Variants in TMEM266 observed in about 807,000 individuals in gnomAD.
TMEM266 encodes the protein transmembrane protein 266.
In TMEM266, 33 loss-of-function variants were observed where a neutral mutation model predicts 50.5. The observed-to-expected ratio is 0.65, with a 90% CI of 0.50 to 0.87. TMEM266 has a LOEUF of 0.87. Among genes scored for constraint, TMEM266 ranks in the 40% least tolerant of loss-of-function variants. The probability of loss-of-function intolerance (pLI) is 0.00; values close to 1 mark genes in which losing one functional copy is unlikely to be tolerated. For missense variants in TMEM266, 655 were observed against 695.1 expected, an observed-to-expected ratio of 0.94 and a Z score of 0.65; for synonymous variants, 310 against 292.3, an observed-to-expected ratio of 1.06 and a Z score of -0.62.
intron 1 of TMEM266, among the ~76,000 whole-genome samples, chr15:76,061,799 A>G (rs1028521885): frequency 1.3e-5 from 2 of 152,176 alleles, no homozygotes; most frequent in African/African-American, 4.8e-5. Flanking sequence ...CCCATTTTCC[A>G]TTATCGCATC....
intron 1 of TMEM266, among the ~76,000 whole-genome samples, chr15:76,109,711 C>CT (rs778661170): frequency 0.024 from 3,250 of 138,160 alleles, 67 homozygotes; most frequent in African/African-American, 0.054. Context: ...TCTTTCTTTT[C>CT]TTTTTTTTTT....
chr15:76,162,874 A>G (rs2038039288), intron 5 of TMEM266, among the ~76,000 whole-genome samples: 1 of 152,098 alleles, frequency 6.6e-6, no homozygotes, highest in Admixed American at 6.5e-5. Context: ...CCTGGTTAAT[A>G]CCCAGGGATG....
chr15:76,159,987 G>C, intron 4 of TMEM266, 108 bp from the exon 5 acceptor site: 1 of 1,034,544 alleles, frequency 9.7e-7, no homozygotes, highest in Non-Finnish European at 1.5e-6. Flanking sequence ...AAACGTTCAT[G>C]CAGGCGGGCC....
chr15:76,133,714 G>A (rs1194423081), intron 1 of TMEM266, among the ~76,000 whole-genome samples: 4 of 152,194 alleles, frequency 2.6e-5, no homozygotes, highest in African/African-American at 7.2e-5. Flanking sequence ...GAGAGGAGAA[G>A]AAGAGAAAAG....
intron 2 of TMEM266, among the ~76,000 whole-genome samples, chr15:76,135,387 T>C (rs577396534): frequency 6.6e-6 from 1 of 152,322 alleles, no homozygotes; most frequent in South Asian, 2.1e-4. Flanking sequence ...GCCGGGCCGC[T>C]GGGACCACTG....
intron 7 of TMEM266, among the ~76,000 whole-genome samples, chr15:76,171,432 C>G (rs1424184214): frequency 6.6e-6 from 1 of 152,230 alleles, no homozygotes; most frequent in Non-Finnish European, 1.5e-5. Flanking sequence ...GCCCTTAGAG[C>G]AGGGCCTGCC....
intron 3 of TMEM266, among the ~76,000 whole-genome samples, chr15:76,144,231 T>C (rs1018571625): frequency 8.9e-6 from 1 of 111,876 alleles, no homozygotes; most frequent in African/African-American, 3.9e-5. Context: ...CAAAATGCCA[T>C]GTGCATTTTG....
At chr15:76,162,331 C>T (rs2038031049) in intron 5 of TMEM266, among the ~76,000 whole-genome samples, 1 of 152,250 alleles carries the variant, frequency 6.6e-6, no homozygotes, top group African/African-American at 2.4e-5. Flanking sequence ...CGGGAATACA[C>T]ACACAGCTCA....
chr15:76,192,523 G>A (rs183007961), intron 9 of TMEM266, among the ~76,000 whole-genome samples: 2 of 152,268 alleles, frequency 1.3e-5, no homozygotes, highest in Non-Finnish European at 2.9e-5. Context: ...GTCCAAAGGC[G>A]CATCGCTAAT....
chr15:76,126,926 G>C (rs1021017415), intron 1 of TMEM266, among the ~76,000 whole-genome samples: 3 of 152,100 alleles, frequency 2.0e-5, no homozygotes, highest in African/African-American at 7.2e-5. Context: ...GGTGGTGAGG[G>C]AGAAGAGGAG....
At chr15:76,157,768 C>G (rs1291105000) in intron 4 of TMEM266, among the ~76,000 whole-genome samples, 1 of 152,160 alleles carries the variant, frequency 6.6e-6, no homozygotes, top group African/African-American at 2.4e-5. Context: ...GGGAGGATCG[C>G]TTGAGCCCTG....
chr15:76,117,616 G>C (rs1437936932), intron 1 of TMEM266, among the ~76,000 whole-genome samples: 1 of 152,178 alleles, frequency 6.6e-6, no homozygotes, highest in African/African-American at 2.4e-5. Context: ...TCTGCCGTTT[G>C]TTTTGAATTG....
At position 76,191,950 on chromosome 15, in the gene TMEM266, G is replaced by C; in HGVS notation, c.769-18G>C. 1 of 1,571,086 alleles carries C rather than the reference G, an allele frequency of 6.4e-7. No homozygotes were observed. Among genetic ancestry groups the C allele is most frequent in the African/African-American group, 1.4e-5 (1 of 71,070 alleles). The stretch of plus-strand genomic sequence containing the variant: ...GGCCCCTCGCCGCTGATTCAGCCTT[G>C]CCCGTCTCCCTCCGCAGTTTGAGAT... On this transcript the variant is annotated intron_variant, in intron 8 of 10. Transcript: ENST00000388942.
intron 1 of TMEM266, among the ~76,000 whole-genome samples, chr15:76,089,779 CCA>C (rs1047015456): frequency 1.3e-5 from 2 of 152,128 alleles, no homozygotes; most frequent in African/African-American, 4.8e-5. Context: ...TTTCAGTAAT[CCA>C]AGTGAGAAAT....
chr15:76,134,220 C>T lies in TMEM266; in HGVS notation c.-44C>T, dbSNP rs780994606. ...AACCCACGCTTGGAAATGCTGACAGCAGGCTTCAGGACAGCTGAGCCCCAC... is the reference window on the plus strand; with the variant it reads ...AACCCACGCTTGGAAATGCTGACAGTAGGCTTCAGGACAGCTGAGCCCCAC... On this transcript the variant is annotated 5_prime_UTR_variant, in exon 2 of 11. Coordinates refer to ENST00000388942, the MANE Select transcript of TMEM266 (RefSeq NM_152335.3). The T allele has an allele frequency of 2.5e-6, 4 of 1,605,336 alleles. No individual in the cohort carries two copies. In the East Asian group the frequency reaches 8.9e-5, roughly 36 times the overall value.
intron 1 of TMEM266, among the ~76,000 whole-genome samples, chr15:76,088,011 C>A (rs1033005158): frequency 6.6e-6 from 1 of 152,172 alleles, no homozygotes; most frequent in African/African-American, 2.4e-5. Context: ...CAAATAGCTT[C>A]TTGAAATTTT....
intron 2 of TMEM266, 45 bp from the exon 3 acceptor site, chr15:76,137,661 GC>G: frequency 6.3e-7 from 1 of 1,575,358 alleles, no homozygotes. Context: ...GAATTTTTTG[GC>G]CCTTGAAGAT....
chr15:76,081,739 A>G (rs889995575), intron 1 of TMEM266, among the ~76,000 whole-genome samples: 1 of 152,160 alleles, frequency 6.6e-6, no homozygotes, highest in Admixed American at 6.5e-5. Flanking sequence ...TGTATGAGAA[A>G]GCTTCCAACA....
intron 1 of TMEM266, among the ~76,000 whole-genome samples, chr15:76,125,006 G>A (rs1212326926): frequency 7.9e-5 from 12 of 152,028 alleles, no homozygotes; most frequent in Admixed American, 7.9e-4. Flanking sequence ...CTGACCAATG[G>A]AACAGAACAA....
Sources: allele counts gnomAD v4.1 joint callset (sites outside exome capture counted in the v4.1 genomes callset), GRCh38; gene constraint gnomAD v4.1.1; transcripts MANE v1.5; gene names NCBI Gene and HGNC (gene_info 2026-07-23, HGNC 2026-07-21).